The following PPFIA2 variants were observed in gnomAD, a reference collection of about 807,000 sequenced individuals.
PPFIA2 encodes liprin-alpha-2.
Under a neutral mutation model 175.5 loss-of-function variants are expected in PPFIA2, and 46 were observed. That is an observed-to-expected ratio of 0.26 (90% CI 0.21 to 0.34). PPFIA2 has a LOEUF of 0.34. PPFIA2 is among the 10% of genes least tolerant of loss of function. The probability of loss-of-function intolerance (pLI) is 1.00; values close to 1 mark genes in which losing one functional copy is unlikely to be tolerated. For synonymous variants in PPFIA2, 568 were observed against 511.4 expected (o/e 1.11, Z -1.49); for missense variants, 1,179 against 1,506.1 (o/e 0.78, Z 3.60).
At chr12:81,539,652 G>A (rs1326398022) in intron 4 of PPFIA2, among the ~76,000 whole-genome samples, 3 of 151,888 alleles carry the variant, frequency 2.0e-5, no homozygotes, top group East Asian at 3.9e-4. Flanking sequence ...TAGAGGGGCA[G>A]TAGAATTTGG....
At chr12:81,449,019 T>C (rs1289856786) in intron 5 of PPFIA2, among the ~76,000 whole-genome samples, 5 of 152,222 alleles carry the variant, frequency 3.3e-5, no homozygotes, top group Non-Finnish European at 5.9e-5. Context: ...ATATTACCTC[T>C]GAGCTAGGAG....
chr12:81,625,157 A>G (rs2062551880), intron 4 of PPFIA2, among the ~76,000 whole-genome samples: 1 of 151,828 alleles, frequency 6.6e-6, no homozygotes, highest in Admixed American at 6.6e-5. Context: ...ATACACACAT[A>G]TATATATCTG....
intron 7 of PPFIA2, among the ~76,000 whole-genome samples, chr12:81,436,200 G>A (rs1176799661): frequency 7.1e-6 from 1 of 140,604 alleles, no homozygotes; most frequent in Non-Finnish European, 1.5e-5. Flanking sequence ...AGGATCACCT[G>A]AGGCTAAGAG....
chr12:81,732,643 G>C (rs960698906), intron 3 of PPFIA2, among the ~76,000 whole-genome samples: 1 of 150,638 alleles, frequency 6.6e-6, no homozygotes, highest in Non-Finnish European at 1.5e-5. Context: ...AAGCAAAAAA[G>C]CAAAATAATA....
chr12:81,461,619 C>G (rs919218099), intron 4 of PPFIA2, among the ~76,000 whole-genome samples: 1 of 152,100 alleles, frequency 6.6e-6, no homozygotes, highest in African/African-American at 2.4e-5. Context: ...AAGTGCCACA[C>G]AGAGTAATAC....
At chr12:81,372,891 A>G (rs2035509529) in intron 11 of PPFIA2, among the ~76,000 whole-genome samples, 1 of 151,616 alleles carries the variant, frequency 6.6e-6, no homozygotes, top group Non-Finnish European at 1.5e-5. Context: ...TAAAGGGAGG[A>G]GAAAGCTGAG....
At chr12:81,383,950 G>A (rs1421753174) in intron 9 of PPFIA2, 73 bp downstream of exon 9, 8 of 1,229,978 alleles carry the variant, frequency 6.5e-6, no homozygotes, top group East Asian at 4.8e-5. Flanking sequence ...TGGTCATTAC[G>A]GGAAATTATG....
chr12:81,366,873 C>T (rs564678356), intron 14 of PPFIA2, among the ~76,000 whole-genome samples: 1 of 151,732 alleles, frequency 6.6e-6, no homozygotes, highest in South Asian at 2.1e-4. Flanking sequence ...TGAGTATAGA[C>T]TAATTTGGGG....
At chr12:81,490,980 C>A (rs2059361117) in intron 4 of PPFIA2, among the ~76,000 whole-genome samples, 2 of 151,978 alleles carry the variant, frequency 1.3e-5, no homozygotes, top group Non-Finnish European at 2.9e-5. Context: ...TCTGCCATGT[C>A]CCATCTGAAC....
At chr12:81,305,489 A>G (rs1439311005) in intron 22 of PPFIA2, among the ~76,000 whole-genome samples, 1 of 152,096 alleles carries the variant, frequency 6.6e-6, no homozygotes, top group Non-Finnish European at 1.5e-5. Context: ...CCTAAATTGC[A>G]TTTCCAGATT....
intron 3 of PPFIA2, among the ~76,000 whole-genome samples, chr12:81,732,005 T>A (rs1006125897): frequency 6.6e-6 from 1 of 151,544 alleles, no homozygotes; most frequent in Non-Finnish European, 1.5e-5. Context: ...AGTTAATTCT[T>A]CAAGCCTATG....
At chr12:81,632,844 T>C (rs2063548368) in intron 4 of PPFIA2, among the ~76,000 whole-genome samples, 1 of 152,090 alleles carries the variant, frequency 6.6e-6, no homozygotes, top group Non-Finnish European at 1.5e-5. Context: ...CCATGGATAC[T>C]CTGAGCTGCT....
intron 4 of PPFIA2, among the ~76,000 whole-genome samples, chr12:81,595,471 G>A (rs1424300180): frequency 6.6e-6 from 1 of 152,028 alleles, no homozygotes; most frequent in Non-Finnish European, 1.5e-5. Flanking sequence ...TAGACATACA[G>A]TGCAAATTGA....
chr12:81,642,736 T>C lies in PPFIA2; in HGVS notation c.303+34055A>G, dbSNP rs529721215. ...TATGTATTATATACATACATGTATA[T>C]GTATGTATGTATTATATACATACAT... On this transcript the variant is annotated intron_variant, in intron 4 of 32. Transcript: ENST00000549396. Among the ~76,000 whole-genome samples, 2 of 27,532 alleles carry C rather than the reference T, an allele frequency of 7.3e-5. 1 individual carries two copies. Among genetic ancestry groups the C allele is most frequent in the African/African-American group, 3.1e-4 (2 of 6,386 alleles). The allele number at this position is 27,532 out of a possible 152,430, so 18.1% of individuals were successfully genotyped here.
At chr12:81,558,677 T>C (rs1476789249) in intron 4 of PPFIA2, among the ~76,000 whole-genome samples, 1 of 152,092 alleles carries the variant, frequency 6.6e-6, no homozygotes, top group East Asian at 1.9e-4. Context: ...CCAAGATATC[T>C]ACAGGGACTT....
chr12:81,267,851 AAGTTT>A, intron 29 of PPFIA2, 56 bp downstream of exon 29: 1 of 1,461,990 alleles, frequency 6.8e-7, no homozygotes, highest in Non-Finnish European at 9.2e-7. Flanking sequence ...TTTTTTCTAA[AAGTTT>A]AGTTTATCAT....
chr12:81,412,683 G>A (rs2044206457), intron 7 of PPFIA2, among the ~76,000 whole-genome samples: 1 of 151,862 alleles, frequency 6.6e-6, no homozygotes, highest in South Asian at 2.1e-4. Flanking sequence ...CTGGTTGTAC[G>A]ATCTTGTACA....
chr12:81,283,564 T>C (rs1247563595), intron 25 of PPFIA2, among the ~76,000 whole-genome samples: 4 of 152,080 alleles, frequency 2.6e-5, no homozygotes, highest in Admixed American at 1.3e-4. Flanking sequence ...ACATTGGTGT[T>C]TTTATCCTTA....
intron 4 of PPFIA2, among the ~76,000 whole-genome samples, chr12:81,515,350 T>C (rs1001159156): frequency 6.6e-6 from 1 of 151,906 alleles, no homozygotes; most frequent in Non-Finnish European, 1.5e-5. Context: ...TTACCCAACA[T>C]AGATGTAAAC....
Sources: allele counts gnomAD v4.1 joint callset (sites outside exome capture counted in the v4.1 genomes callset), GRCh38; gene constraint gnomAD v4.1.1; transcripts MANE v1.5; gene names NCBI Gene and HGNC (gene_info 2026-07-23, HGNC 2026-07-21).